The following RBFOX1 variants were observed in gnomAD, a reference collection of about 807,000 sequenced individuals.
RBFOX1 encodes the protein RNA binding fox-1 homolog 1.
RBFOX1 carries 8 observed loss-of-function variants against 57.7 expected under a neutral mutation model. The observed-to-expected ratio is 0.14, with a 90% CI of 0.08 to 0.25. The LOEUF (loss-of-function observed/expected upper bound fraction) is 0.25, where lower values mean the gene tolerates loss of function less well. Ranked by LOEUF, RBFOX1 falls within the 10% of genes least tolerant of loss-of-function variation. The probability of loss-of-function intolerance (pLI) is 1.00; values close to 1 mark genes in which losing one functional copy is unlikely to be tolerated. For missense variants in RBFOX1, 611 were observed against 548.5 expected, an observed-to-expected ratio of 1.11 and a Z score of -1.14; for synonymous variants, 326 against 222.4, an observed-to-expected ratio of 1.47 and a Z score of -4.15.
At chr16:5,622,591 G>A (rs925457089) in intron 3 of RBFOX1, among the ~76,000 whole-genome samples, 3 of 152,234 alleles carry the variant, frequency 2.0e-5, no homozygotes, top group Non-Finnish European at 2.9e-5. Context: ...TAGACCAAGG[G>A]TTGGCAAACT....
intron 4 of RBFOX1, among the ~76,000 whole-genome samples, chr16:7,330,591 C>A (rs1019431967): frequency 6.6e-6 from 1 of 151,108 alleles, no homozygotes; most frequent in Non-Finnish European, 1.5e-5. Flanking sequence ...TCTGCAGTTT[C>A]CAGCTACCTC....
intron 2 of RBFOX1, among the ~76,000 whole-genome samples, chr16:6,419,372 T>C (rs1206743318): frequency 6.6e-6 from 1 of 152,186 alleles, no homozygotes; most frequent in African/African-American, 2.4e-5. Flanking sequence ...GTGTGGAGTG[T>C]ATGGCTTGGT....
chr16:7,029,255 C>CAT lies in RBFOX1; in HGVS notation c.-15-22801_-15-22800insTA, dbSNP rs201005193. ...ATATACGTATACGTATATATATACA[C>CAT]ACATATATATACGTATACGTATATA... On this transcript the variant is annotated intron_variant, in intron 3 of 15. Coordinates refer to ENST00000550418, the MANE Select transcript of RBFOX1 (RefSeq NM_018723.4). Among the ~76,000 whole-genome samples the CAT allele has an allele frequency of 3.8e-4, 36 of 95,950 alleles. 5 individuals are homozygous for CAT. The highest frequency in any genetic ancestry group is 2.2e-3 in the African/African-American group (34 of 15,228). The allele number at this position is 95,950 out of a possible 152,430, so 62.9% of individuals were successfully genotyped here. A position where few individuals can be genotyped will look rare whatever the true frequency, so the allele number is the denominator to read the frequency against.
intron 4 of RBFOX1, among the ~76,000 whole-genome samples, chr16:7,468,952 G>A (rs1427108570): frequency 1.3e-5 from 2 of 148,812 alleles, no homozygotes; most frequent in Admixed American, 1.3e-4. Flanking sequence ...TTTTTTTTTT[G>A]AGGCAGAGTC....
chr16:5,570,848 A>AAT (rs1388069096), intron 2 of RBFOX1, among the ~76,000 whole-genome samples: 2 of 151,698 alleles, frequency 1.3e-5, no homozygotes, highest in African/African-American at 4.8e-5. Context: ...TCAAAAAAAA[A>AAT]AAAAATAAAG....
chr16:6,154,464 G>A (rs2096824803), intron 1 of RBFOX1, among the ~76,000 whole-genome samples: 2 of 152,222 alleles, frequency 1.3e-5, no homozygotes, highest in African/African-American at 4.8e-5. Context: ...AAGCCAGGTA[G>A]TGAATCTATT....
At chr16:6,452,449 C>A (rs1484382165) in intron 2 of RBFOX1, among the ~76,000 whole-genome samples, 1 of 146,990 alleles carries the variant, frequency 6.8e-6, no homozygotes, top group African/African-American at 2.5e-5. Context: ...CATCCATGGC[C>A]CCTTCCTTCC....
intron 15 of RBFOX1, chr16:7,709,961 C>T: frequency 9.9e-7 from 1 of 1,010,314 alleles, no homozygotes; most frequent in Non-Finnish European, 1.2e-6. Context: ...CATAGGCATT[C>T]ATTTGAATTG....
chr16:7,609,240 A>T (rs909389177), intron 10 of RBFOX1, among the ~76,000 whole-genome samples: 1 of 152,102 alleles, frequency 6.6e-6, no homozygotes, highest in Non-Finnish European at 1.5e-5. Flanking sequence ...TCTTGTGGGG[A>T]GGAAGGGTAT....
intron 1 of RBFOX1, among the ~76,000 whole-genome samples, chr16:5,332,792 T>A (rs546584485): frequency 6.6e-6 from 1 of 151,978 alleles, no homozygotes. Flanking sequence ...ATTTAACTTA[T>A]AATACACATT....
chr16:5,655,496 G>A (rs2049396328), intron 3 of RBFOX1, among the ~76,000 whole-genome samples: 1 of 152,198 alleles, frequency 6.6e-6, no homozygotes, highest in Non-Finnish European at 1.5e-5. Flanking sequence ...TGAAGATGGG[G>A]TGTGGCTAGG....
intron 3 of RBFOX1, among the ~76,000 whole-genome samples, chr16:6,904,739 G>A (rs543895081): frequency 1.1e-4 from 17 of 151,070 alleles, no homozygotes; most frequent in South Asian, 8.4e-4. Flanking sequence ...AGGGACCCTC[G>A]CCTTGCACCT....
At chr16:6,972,107 C>T (rs1438347415) in intron 3 of RBFOX1, among the ~76,000 whole-genome samples, 1 of 152,120 alleles carries the variant, frequency 6.6e-6, no homozygotes, top group East Asian at 1.9e-4. Flanking sequence ...TGCTAAAAAG[C>T]ACACAACATC....
At chr16:6,055,589 T>TGAAAAAAAAAAA (rs1567345234) in intron 1 of RBFOX1, among the ~76,000 whole-genome samples, 1 of 27,710 alleles carries the variant, frequency 3.6e-5, no homozygotes, top group African/African-American at 9.7e-5. Flanking sequence ...TGAGACTCCG[T>TGAAAAAAAAAAA]CAAAAAAAAA....
intron 1 of RBFOX1, among the ~76,000 whole-genome samples, chr16:6,285,324 G>C (rs2076791459): frequency 6.6e-6 from 1 of 152,100 alleles, no homozygotes; most frequent in Non-Finnish European, 1.5e-5. Context: ...GAAAGTTTAA[G>C]ACTATATCTG....
At chr16:7,211,464 C>T (rs991085790) in intron 4 of RBFOX1, among the ~76,000 whole-genome samples, 15 of 150,902 alleles carry the variant, frequency 9.9e-5, no homozygotes, top group African/African-American at 3.7e-4. Flanking sequence ...TGGTAGCTGT[C>T]ATAGGGATAG....
At chr16:7,169,648 A>C (rs2080282477) in intron 4 of RBFOX1, among the ~76,000 whole-genome samples, 1 of 152,242 alleles carries the variant, frequency 6.6e-6, no homozygotes, top group African/African-American at 2.4e-5. Flanking sequence ...ATTCAGAGTG[A>C]ATGACAGAAC....
intron 2 of RBFOX1, among the ~76,000 whole-genome samples, chr16:6,460,022 A>T (rs1835152048): frequency 7.7e-6 from 1 of 130,222 alleles, no homozygotes; most frequent in South Asian, 2.5e-4. Flanking sequence ...AAAAAAAAAA[A>T]AAAAAATTCT....
intron 4 of RBFOX1, among the ~76,000 whole-genome samples, chr16:7,433,439 A>G (rs2098697966): frequency 6.6e-6 from 1 of 152,212 alleles, no homozygotes; most frequent in Non-Finnish European, 1.5e-5. Flanking sequence ...AATAGGGGAT[A>G]ATGAATGTTC....
Sources: gnomAD v4.1 joint callset for allele counts (sites outside exome capture counted in the v4.1 genomes callset) on GRCh38, gnomAD v4.1.1 for gene constraint, MANE v1.5 for transcripts, NCBI Gene and HGNC (gene_info 2026-07-23, HGNC 2026-07-21) for gene names.